FAM168A: variants seen among roughly 807,000 people sequenced by gnomAD.
The protein encoded by FAM168A is family with sequence similarity 168 member A, also known as protein FAM168A.
A neutral mutation model predicts 28.5 loss-of-function variants in FAM168A; 3 were observed. That is an observed-to-expected ratio of 0.11 (90% CI 0.05 to 0.27). FAM168A has a LOEUF of 0.27. FAM168A is among the 10% of genes least tolerant of loss of function. The pLI is 1.00. For missense variants in FAM168A, 222 were observed against 311.5 expected (o/e 0.71, Z 2.16); for synonymous variants, 122 against 124.2 (o/e 0.98, Z 0.12).
intron 1 of FAM168A, among the ~76,000 whole-genome samples, chr11:73,580,968 C>T (rs548103605): frequency 5.3e-5 from 8 of 152,356 alleles, no homozygotes; most frequent in Admixed American, 3.3e-4. Flanking sequence ...TCTGGACTTT[C>T]CAGTGATGCC....
intron 3 of FAM168A, chr11:73,421,030 C>A: frequency 7.1e-6 from 1 of 140,294 alleles, no homozygotes; most frequent in African/African-American, 2.8e-5. Flanking sequence ...TATGGTAAAA[C>A]GAAGAATTTT....
At chr11:73,589,919 C>T (rs1944362334) in intron 1 of FAM168A, among the ~76,000 whole-genome samples, 1 of 152,084 alleles carries the variant, frequency 6.6e-6, no homozygotes, top group African/African-American at 2.4e-5. Flanking sequence ...AAGAGTGAAA[C>T]TCCGTCTAAA....
At chr11:73,549,032 C>T (rs372919031) in intron 1 of FAM168A, among the ~76,000 whole-genome samples, 7 of 152,184 alleles carry the variant, frequency 4.6e-5, no homozygotes, top group African/African-American at 7.2e-5. Flanking sequence ...ACCTCCACCC[C>T]CCGAGTTCAA....
intron 1 of FAM168A, among the ~76,000 whole-genome samples, chr11:73,499,834 T>C (rs1034157740): frequency 4.0e-5 from 6 of 151,674 alleles, no homozygotes; most frequent in Non-Finnish European, 7.4e-5. Context: ...GAAAAAAGAA[T>C]GAAAAGGAAA....
At chr11:73,533,405 C>T (rs1166664833) in intron 1 of FAM168A, among the ~76,000 whole-genome samples, 1 of 152,154 alleles carries the variant, frequency 6.6e-6, no homozygotes, top group Non-Finnish European at 1.5e-5. Flanking sequence ...TAATTCTTCA[C>T]ACTTTACTAC....
chr11:73,431,101 T>C (rs1292765809), intron 2 of FAM168A, among the ~76,000 whole-genome samples: 2 of 151,918 alleles, frequency 1.3e-5, no homozygotes, highest in African/African-American at 4.8e-5. Context: ...CCCAGCACTT[T>C]GGGAGGCTGA....
rs183429862 is a variant in FAM168A at position 73,459,919 on chromosome 11, T to C, written c.70+8486A>G. Among the ~76,000 whole-genome samples the C allele has an allele frequency of 2.0e-5, 3 of 148,610 alleles. No individual in the cohort carries two copies. The East Asian group carries it at 5.9e-4, about 29-fold the overall frequency. On this transcript the variant is annotated intron_variant, in intron 2 of 7. Coordinates refer to ENST00000356467, the MANE Select transcript of FAM168A (RefSeq NM_015159.3). ...TTTTTTTTTGAGACGGAGTCTCTGT[T>C]GCCCAGGCTGGAGTGCAGTGGCACA...
At chr11:73,436,311 G>A (rs1867084993) in intron 2 of FAM168A, among the ~76,000 whole-genome samples, 1 of 152,126 alleles carries the variant, frequency 6.6e-6, no homozygotes, top group Non-Finnish European at 1.5e-5. Flanking sequence ...GACTATTTCT[G>A]AAAATACTTT....
chr11:73,586,174 G>A (rs1258871054), intron 1 of FAM168A, among the ~76,000 whole-genome samples: 2 of 152,170 alleles, frequency 1.3e-5, no homozygotes, highest in Non-Finnish European at 2.9e-5. Flanking sequence ...GCACTCATAG[G>A]TTTTGGAGGC....
At chr11:73,500,256 C>CA (rs774032922) in intron 1 of FAM168A, among the ~76,000 whole-genome samples, 4 of 122,596 alleles carry the variant, frequency 3.3e-5, no homozygotes, top group Admixed American at 2.5e-4. Flanking sequence ...CCCAGAATTC[C>CA]TTTTTTTTTT....
At position 73,589,832 on chromosome 11, in the gene FAM168A, C is replaced by T. The variant is rs183557858; in HGVS notation, c.-19+8091G>A. ...GTCCCAGCTATTTGGGAGGCTGAGG[C>T]AGGAGAATCACTTGAACCCAGGAGG... On this transcript the variant is annotated intron_variant, in intron 1 of 7. Coordinates refer to ENST00000356467, the MANE Select transcript of FAM168A (RefSeq NM_015159.3). Among the ~76,000 whole-genome samples the T allele has an allele frequency of 4.6e-4, 70 of 152,200 alleles. 1 individual carries two copies. The highest frequency in any genetic ancestry group is 1.6e-3 in the African/African-American group (68 of 41,542).
chr11:73,493,010 C>T (rs1854783271), intron 1 of FAM168A, among the ~76,000 whole-genome samples: 1 of 152,052 alleles, frequency 6.6e-6, no homozygotes. Flanking sequence ...CAACAACAGA[C>T]CTTGGGCTCT....
chr11:73,546,030 T>G (rs977715765), intron 1 of FAM168A, among the ~76,000 whole-genome samples: 3 of 152,202 alleles, frequency 2.0e-5, no homozygotes, highest in African/African-American at 7.2e-5. Flanking sequence ...TCTAGGGCTC[T>G]TTCTTAGCTC....
At chr11:73,510,637 A>G (rs915102629) in intron 1 of FAM168A, 11 of 288,338 alleles carry the variant, frequency 3.8e-5, no homozygotes, top group Non-Finnish European at 7.1e-5. Flanking sequence ...TAGCCCGTTC[A>G]TGAGGTAAGC....
intron 1 of FAM168A, among the ~76,000 whole-genome samples, chr11:73,532,283 T>C (rs1943523536): frequency 6.6e-6 from 1 of 152,166 alleles, no homozygotes; most frequent in Non-Finnish European, 1.5e-5. Context: ...GAGATTCTTA[T>C]CAGGACATAT....
chr11:73,541,423 A>C (rs1943655753), intron 1 of FAM168A, among the ~76,000 whole-genome samples: 1 of 148,780 alleles, frequency 6.7e-6, no homozygotes, highest in South Asian at 2.1e-4. Flanking sequence ...TCCAGGCTGG[A>C]GTGCAGTGGC....
chr11:73,473,018 T>TA lies in FAM168A; in HGVS notation c.-18-4527dup, dbSNP rs34862145. ...ACCTCTTTGGTGGTTCTGTGGAGGTTAAAAAAAAAGGAAAAAAAATAATAA... is the reference window on the plus strand; with the variant it reads ...ACCTCTTTGGTGGTTCTGTGGAGGTTAAAAAAAAAAGGAAAAAAAATAATAA... On this transcript the variant is annotated intron_variant, in intron 1 of 7. Transcript: ENST00000356467. Among the ~76,000 whole-genome samples, 28 of 149,944 alleles carry TA rather than the reference T, an allele frequency of 1.9e-4. 1 individual carries two copies. The highest frequency in any genetic ancestry group is 4.9e-4 in the African/African-American group (20 of 40,872).
At chr11:73,563,767 T>C (rs1565300056) in intron 1 of FAM168A, among the ~76,000 whole-genome samples, 1 of 152,210 alleles carries the variant, frequency 6.6e-6, no homozygotes, top group Non-Finnish European at 1.5e-5. Context: ...GTCATAGAGT[T>C]CAATCATTTA....
chr11:73,536,425 C>A (rs924560109), intron 1 of FAM168A, among the ~76,000 whole-genome samples: 1 of 152,196 alleles, frequency 6.6e-6, no homozygotes, highest in Admixed American at 6.5e-5. Flanking sequence ...CGGTAGATCA[C>A]GCCTGTAATC....
Sources: gnomAD v4.1 joint callset for allele counts (sites outside exome capture counted in the v4.1 genomes callset) on GRCh38, gnomAD v4.1.1 for gene constraint, MANE v1.5 for transcripts, NCBI Gene and HGNC (gene_info 2026-07-23, HGNC 2026-07-21) for gene names.